DPP10: variants seen among roughly 807,000 people sequenced by gnomAD.
The protein encoded by DPP10 is dipeptidyl peptidase like 10, also known as inactive dipeptidyl peptidase 10.
DPP10 carries 33 observed loss-of-function variants against 120.9 expected under a neutral mutation model. The ratio of observed to expected loss-of-function variants is 0.27; its 90% CI spans 0.21 to 0.37. The LOEUF is 0.37. Ranked by LOEUF, DPP10 falls within the 10% of genes least tolerant of loss-of-function variation. The probability of loss-of-function intolerance (pLI) is 1.00; values close to 1 mark genes in which losing one functional copy is unlikely to be tolerated. For synonymous variants in DPP10, 337 were observed against 326.1 expected (o/e 1.03, Z -0.36); for missense variants, 816 against 942.8 (o/e 0.87, Z 1.76).
intron 1 of DPP10, among the ~76,000 whole-genome samples, chr2:115,230,056 G>A (rs2057660948): frequency 6.6e-6 from 1 of 151,468 alleles, no homozygotes; most frequent in South Asian, 2.1e-4. Context: ...CCATGAACAC[G>A]GAATATCTTT....
At chr2:114,610,031 T>C (rs547238872) in intron 1 of DPP10, among the ~76,000 whole-genome samples, 1 of 152,300 alleles carries the variant, frequency 6.6e-6, no homozygotes, top group East Asian at 1.9e-4. Context: ...AATGTTCGTA[T>C]CTGTTTCACG....
chr2:114,724,298 T>C (rs957927242), intron 1 of DPP10, among the ~76,000 whole-genome samples: 1 of 152,252 alleles, frequency 6.6e-6, no homozygotes, highest in African/African-American at 2.4e-5. Context: ...CCATAACTTA[T>C]AACCTATAGT....
At chr2:115,403,550 C>G (rs2068276295) in intron 3 of DPP10, among the ~76,000 whole-genome samples, 1 of 151,986 alleles carries the variant, frequency 6.6e-6, no homozygotes, top group African/African-American at 2.4e-5. Context: ...CAGGCACCTG[C>G]CATAACACCC....
At chr2:114,899,418 G>C (rs902780632) in intron 1 of DPP10, among the ~76,000 whole-genome samples, 1 of 152,022 alleles carries the variant, frequency 6.6e-6, no homozygotes, top group Non-Finnish European at 1.5e-5. Context: ...TTTAACAACA[G>C]TACCAGCACC....
At chr2:115,307,271 C>T (rs2061395386) in intron 1 of DPP10, among the ~76,000 whole-genome samples, 1 of 152,014 alleles carries the variant, frequency 6.6e-6, no homozygotes. Flanking sequence ...ATGGTTTTAT[C>T]ATATTCACAA....
At chr2:114,834,400 T>A (rs867564564) in intron 1 of DPP10, among the ~76,000 whole-genome samples, 207 of 149,418 alleles carry the variant, frequency 1.4e-3, no homozygotes, top group African/African-American at 4.8e-3. Flanking sequence ...TATGTATATA[T>A]AAGCCATATC....
intron 5 of DPP10, among the ~76,000 whole-genome samples, chr2:115,544,908 CT>C (rs1465660668): frequency 6.6e-6 from 1 of 151,978 alleles, no homozygotes; most frequent in Non-Finnish European, 1.5e-5. Context: ...AGAAAAGAGG[CT>C]GTTTATCCTC....
chr2:114,577,428 A>G (rs905855254), intron 1 of DPP10, among the ~76,000 whole-genome samples: 5 of 152,128 alleles, frequency 3.3e-5, no homozygotes, highest in Non-Finnish European at 5.9e-5. Context: ...CCAGTATCAC[A>G]TACCTGGGAC....
At chr2:115,741,678 A>G (rs562410379) in intron 9 of DPP10, among the ~76,000 whole-genome samples, 1 of 152,320 alleles carries the variant, frequency 6.6e-6, no homozygotes, top group South Asian at 2.1e-4. Flanking sequence ...GCACTGCACA[A>G]AGAAAATTCA....
rs113731673 is a variant in DPP10 at position 114,566,890 on chromosome 2, T to C, written c.60+124052T>C. Among the ~76,000 whole-genome samples the C allele has an allele frequency of 2.8e-3, 432 of 152,336 alleles. 2 individuals are homozygous for C. Among genetic ancestry groups the C allele is most frequent in the Middle Eastern group, 0.027 (8 of 294 alleles). The stretch of plus-strand genomic sequence containing the variant: ...AGATTTGTAAGATCCCTCCAACCTC[T>C]TAAATTCTGCCCTGGCATTATCATG... On this transcript the variant is annotated intron_variant, in intron 1 of 25. Transcript: ENST00000410059.
intron 1 of DPP10, among the ~76,000 whole-genome samples, chr2:114,988,565 T>A (rs1310721920): frequency 6.6e-6 from 1 of 152,196 alleles, no homozygotes; most frequent in Non-Finnish European, 1.5e-5. Flanking sequence ...AAAAACAATC[T>A]CTCCTTAGGT....
At chr2:115,006,834 C>T (rs1462698929) in intron 1 of DPP10, among the ~76,000 whole-genome samples, 3 of 151,384 alleles carry the variant, frequency 2.0e-5, no homozygotes, top group Non-Finnish European at 4.4e-5. Flanking sequence ...ACAAGGATAC[C>T]CAGGAATTGA....
intron 1 of DPP10, among the ~76,000 whole-genome samples, chr2:115,192,300 A>G (rs1181429841): frequency 3.9e-5 from 6 of 152,238 alleles, no homozygotes; most frequent in African/African-American, 1.2e-4. Context: ...TAGACGACCA[A>G]TTGGAGGCAT....
intron 1 of DPP10, among the ~76,000 whole-genome samples, chr2:114,581,853 G>T (rs138262339): frequency 1.3e-5 from 2 of 152,150 alleles, no homozygotes; most frequent in African/African-American, 4.8e-5. Flanking sequence ...GGCACACAGG[G>T]AGTATGCATA....
chr2:114,503,715 C>G (rs976087628), intron 1 of DPP10, among the ~76,000 whole-genome samples: 2 of 152,184 alleles, frequency 1.3e-5, no homozygotes, highest in African/African-American at 4.8e-5. Flanking sequence ...AACATGAACT[C>G]TGGTTGGGAC....
intron 2 of DPP10, among the ~76,000 whole-genome samples, chr2:115,332,685 C>T (rs1432411602): frequency 6.6e-6 from 1 of 152,126 alleles, no homozygotes. Flanking sequence ...GTTATGTACC[C>T]AGTAGTCATT....
At chr2:114,736,146 C>A (rs1053892115) in intron 1 of DPP10, among the ~76,000 whole-genome samples, 6 of 151,948 alleles carry the variant, frequency 3.9e-5, no homozygotes, top group African/African-American at 1.4e-4. Flanking sequence ...TGTGAGGAAT[C>A]CATGTCCTCC....
chr2:115,435,350 G>C (rs2138776), intron 3 of DPP10, among the ~76,000 whole-genome samples: 90,846 of 151,518 alleles, frequency 0.6, 28,522 homozygotes, highest in Middle Eastern at 0.74. Context: ...CCACATCCTC[G>C]TTACCATTCA....
chr2:115,683,522 C>T (rs1248013642), intron 5 of DPP10, among the ~76,000 whole-genome samples: 1 of 151,544 alleles, frequency 6.6e-6, no homozygotes, highest in East Asian at 1.9e-4. Context: ...TGTTGATATA[C>T]GTTTATTGAT....
Sources: allele counts gnomAD v4.1 joint callset (sites outside exome capture counted in the v4.1 genomes callset), GRCh38; gene constraint gnomAD v4.1.1; transcripts MANE v1.5; gene names NCBI Gene and HGNC (gene_info 2026-07-23, HGNC 2026-07-21).